APOL5: variants seen among roughly 807,000 people sequenced by gnomAD.
APOL5 encodes the protein apolipoprotein L, 5.
APOL5 carries 29 observed loss-of-function variants against 35.5 expected under a neutral mutation model. That is an observed-to-expected ratio of 0.82 (90% confidence interval 0.61 to 1.11). The LOEUF (loss-of-function observed/expected upper bound fraction) is 1.11. APOL5 is among the 50% of genes most tolerant of loss of function. The pLI is 0.00. For synonymous variants in APOL5, 188 were observed against 200.2 expected (o/e 0.94, Z 0.51); for missense variants, 514 against 530.4 (o/e 0.97, Z 0.30).
At chr22:35,726,132 G>A (rs928059719) in intron 2 of APOL5, 79 bp from the exon 3 acceptor site, 43 of 1,512,686 alleles carry the variant, frequency 2.8e-5, no homozygotes, top group African/African-American at 6.9e-5. Context: ...TGCAAAGGTG[G>A]TTTCGACATT....
chr22:35,725,398 T>G (rs1927113253), intron 2 of APOL5, among the ~76,000 whole-genome samples: 1 of 152,094 alleles, frequency 6.6e-6, no homozygotes, highest in Non-Finnish European at 1.5e-5. Flanking sequence ...CCCGAGTAGC[T>G]TGGACTACAC....
chr22:35,724,952 A>C (rs1400835376), intron 2 of APOL5, among the ~76,000 whole-genome samples: 1 of 152,062 alleles, frequency 6.6e-6, no homozygotes, highest in Non-Finnish European at 1.5e-5. Context: ...TTGTGGATGA[A>C]TGGAATAGTA....
At chr22:35,718,650 T>C (rs1353419995) in intron 1 of APOL5, among the ~76,000 whole-genome samples, 1 of 148,844 alleles carries the variant, frequency 6.7e-6, no homozygotes. Context: ...GGAGTGTTTC[T>C]ATAAACATGA....
rs1010055328 is a variant in APOL5, at chr22:35,728,140, C to T, written c.1127-583C>T. 7.2e-5 allele frequency among the ~76,000 whole-genome samples: 11 copies of T among 152,334 alleles called. No homozygotes were observed. In the East Asian group the frequency reaches 2.1e-3, roughly 29 times the overall value. On this transcript the variant is annotated intron_variant, in intron 3 of 4. Transcript: ENST00000249044. ...AATTATCTGGAAACTGCAAAAAATA[C>T]TGATGAGTGGGTGGGTCCCACCCCC...
chr22:35,728,055 A>C (rs1039614664), intron 3 of APOL5, among the ~76,000 whole-genome samples: 2 of 152,232 alleles, frequency 1.3e-5, no homozygotes, highest in Admixed American at 6.5e-5. Flanking sequence ...ATTTTCATTA[A>C]GTGGGGCCTG....
At position 35,726,843 on chromosome 22, in the gene APOL5, G is replaced by A; in HGVS notation, c.775G>A (p.Val259Ile). 1.2e-6 allele frequency: 2 copies of A among 1,614,220 alleles called. No homozygotes were observed. The highest frequency in any genetic ancestry group is 4.5e-5 in the East Asian group (2 of 44,886). Residue 259 changes from valine to isoleucine, a missense_variant, in exon 3 of 5, where the codon GTC (valine) becomes ATC (isoleucine). Around this residue, in one of 3 missense-constraint regions of APOL5, gnomAD observed 238 missense variants for 229.1 expected, o/e 1.04. Coordinates refer to ENST00000249044, the MANE Select transcript of APOL5 (RefSeq NM_030642.1). Reference protein sequence around the residue: ...AKSNSGFMAMVKNFVAKRHIP... With the variant: ...AKSNSGFMAMIKNFVAKRHIP... ...ATCCAACTCTGGCTTCATGGCTATG[G>A]TCAAGAATTTTGTGGCCAAGAGACA...
At chr22:35,709,445 T>C in the APOL5 span, among the ~76,000 whole-genome samples, 2 of 152,196 alleles carry the variant, frequency 1.3e-5, no homozygotes, top group East Asian at 3.9e-4. Flanking sequence ...GTCTGTTGTT[T>C]CTGTGCTGAA....
upstream of APOL5, among the ~76,000 whole-genome samples, chr22:35,714,021 A>T (rs890135108): frequency 6.6e-6 from 1 of 152,082 alleles, no homozygotes; most frequent in African/African-American, 2.4e-5. Flanking sequence ...AGAATACAAC[A>T]TCTGTGTTGG....
intron 2 of APOL5, 74 bp downstream of exon 2, chr22:35,720,728 A>T: frequency 9.3e-7 from 1 of 1,076,388 alleles, no homozygotes; most frequent in Non-Finnish European, 1.4e-6. Flanking sequence ...TCACAGACCC[A>T]GCACTCAATG....
At chr22:35,722,692 G>A (rs909163470) in intron 2 of APOL5, among the ~76,000 whole-genome samples, 1 of 152,152 alleles carries the variant, frequency 6.6e-6, no homozygotes, top group Non-Finnish European at 1.5e-5. Context: ...ATAAATAAGG[G>A]ACTGGGCTCA....
upstream of APOL5, among the ~76,000 whole-genome samples, chr22:35,712,941 C>T (rs879493182): frequency 5.3e-5 from 8 of 152,218 alleles, no homozygotes; most frequent in Non-Finnish European, 1.2e-4. Flanking sequence ...TTAGTCCTAT[C>T]GTCACTGCTT....
intron 1 of APOL5, among the ~76,000 whole-genome samples, chr22:35,719,663 C>G (rs1023852152): frequency 1.3e-5 from 2 of 152,226 alleles, no homozygotes; most frequent in Admixed American, 1.3e-4. Context: ...GCGGCTCAAA[C>G]CCCTAGGGGG....
upstream of APOL5, among the ~76,000 whole-genome samples, chr22:35,715,034 T>C (rs1299956646): frequency 6.6e-6 from 1 of 152,200 alleles, no homozygotes; most frequent in East Asian, 1.9e-4. Flanking sequence ...AATATGATGA[T>C]TCGTGAAACA....
chr22:35,726,504 G>A lies in APOL5; in HGVS notation c.436G>A (p.Ala146Thr). ...KTSLVASSSG[A>T]VSGVMNILGL... Reference sequence around the variant, plus strand: ...CAGCCTGGTGGCCAGCTCTTCCGGGGCTGTTTCTGGGGTCATGAACATCCT... The same window carrying A: ...CAGCCTGGTGGCCAGCTCTTCCGGGACTGTTTCTGGGGTCATGAACATCCT... The change falls in exon 3 of 5, where the codon GCT becomes ACT. Residue 146 changes from alanine to threonine, a missense_variant. Coordinates refer to ENST00000249044, the MANE Select transcript of APOL5 (RefSeq NM_030642.1). The A allele has an allele frequency of 6.2e-7, 1 of 1,614,176 alleles. No individual in the cohort carries two copies. Among genetic ancestry groups the A allele is most frequent in the East Asian group, 2.2e-5 (1 of 44,886 alleles).
Position 35,727,052 on chromosome 22 carries a change from A to C in APOL5, c.984A>C (p.Glu328Asp), listed in dbSNP as rs998010961. ...GGGCAAGGACGGAGACAGCAGAGGA[A>C]CTGAGAGCACTTGCTAAGAAGCTGG... ...EDGARTETAE[E>D]LRALAKKLEQ... The change falls in exon 3 of 5, where the codon GAA (glutamate) becomes GAC (aspartate). Residue 328 changes from glutamate (E) to aspartate (D), a missense_variant. By Grantham distance (45) the Glu-to-Asp change is conservative. Around this residue, in one of 3 missense-constraint regions of APOL5, gnomAD observed 238 missense variants for 229.1 expected, o/e 1.04. Transcript: ENST00000249044. The C allele has an allele frequency of 1.9e-6, 3 of 1,613,760 alleles. No homozygotes were observed. The highest frequency in any genetic ancestry group is 2.5e-6 in the Non-Finnish European group (3 of 1,179,998).
chr22:35,727,104 C>A lies in APOL5; in HGVS notation c.1036C>A (p.His346Asn). 1 of 1,610,520 alleles carries A rather than the reference C, an allele frequency of 6.2e-7. No homozygotes were observed. The highest frequency in any genetic ancestry group is 8.5e-7 in the Non-Finnish European group (1 of 1,180,000). ...LEQELDRLTQ[H>N]HRHLPQKASQ... ...GCAGGAGCTGGACCGGCTCACCCAGCACCACCGGCACCTGCCGCAGAAGGC... is the reference window on the plus strand; with the variant it reads ...GCAGGAGCTGGACCGGCTCACCCAGAACCACCGGCACCTGCCGCAGAAGGC... The change falls in exon 3 of 5, where the codon CAC becomes AAC. Residue 346 changes from histidine (H) to asparagine (N), a missense_variant. Coordinates refer to ENST00000249044, the MANE Select transcript of APOL5 (RefSeq NM_030642.1).
rs1927259333 is a variant in APOL5, at chr22:35,728,600, G to A, written c.1127-123G>A. ...TGGGACCCACTGCCCTGGGGCGGGAGGGGTTTTCTTCTTCTCAAAGCCAAT... is the reference window on the plus strand; with the variant it reads ...TGGGACCCACTGCCCTGGGGCGGGAAGGGTTTTCTTCTTCTCAAAGCCAAT... On this transcript the variant is annotated intron_variant, in intron 3 of 4. Transcript: ENST00000249044. The A allele has an allele frequency of 6.4e-6, 7 of 1,098,630 alleles. No homozygotes were observed. In the South Asian group the frequency reaches 1.1e-4, roughly 18 times the overall value. 68.1% of individuals were successfully genotyped at this position (1,098,630 alleles called of 1,614,324 possible).
upstream of APOL5, among the ~76,000 whole-genome samples, chr22:35,714,928 G>C (rs185285046): frequency 6.6e-6 from 1 of 152,306 alleles, no homozygotes; most frequent in Admixed American, 6.5e-5. Flanking sequence ...GTCAAAGCAG[G>C]GGGAGAAGGG....
intron 3 of APOL5, 48 bp from the exon 4 acceptor site, chr22:35,728,675 A>C (rs767603160): frequency 6.3e-7 from 1 of 1,585,514 alleles, no homozygotes; most frequent in East Asian, 2.3e-5. Context: ...GTCCAGGGGC[A>C]GATCTCTTTC....
Sources: allele counts gnomAD v4.1 joint callset (sites outside exome capture counted in the v4.1 genomes callset), GRCh38; gene constraint gnomAD v4.1.1; regional missense constraint gnomAD v4.1.1; transcripts MANE v1.5; gene names NCBI Gene and HGNC (gene_info 2026-07-23, HGNC 2026-07-21).